Variants in RFTN1 observed in about 807,000 individuals in gnomAD.
RFTN1 encodes the protein raftlin, lipid raft linker 1, also known as raftlin.
In RFTN1, 26 loss-of-function variants were observed where a neutral mutation model predicts 46.5. The observed-to-expected ratio is 0.56, with a 90% CI of 0.41 to 0.78. The LOEUF is 0.78. RFTN1 is among the 30% of genes least tolerant of loss of function. RFTN1 has a pLI of 0.00. For synonymous variants in RFTN1, 261 were observed against 284.2 expected, an observed-to-expected ratio of 0.92 and a Z score of 0.82; for missense variants, 693 against 718.7, an observed-to-expected ratio of 0.96 and a Z score of 0.41.
chr3:16,408,905 C>T (rs181414473), intron 4 of RFTN1, among the ~76,000 whole-genome samples: 1 of 152,308 alleles, frequency 6.6e-6, no homozygotes, highest in Admixed American at 6.5e-5. Context: ...AGGCACAAAA[C>T]CTCATATGGC....
chr3:16,319,014 C>G (rs1340651089), intron 9 of RFTN1, among the ~76,000 whole-genome samples: 1 of 152,200 alleles, frequency 6.6e-6, no homozygotes, highest in Non-Finnish European at 1.5e-5. Flanking sequence ...TCAGCATGAC[C>G]GTGGCTGCCT....
Position 16,359,703 on chromosome 3 carries a change from G to A in RFTN1, c.1031-1656C>T, listed in dbSNP as rs182647122. Among the ~76,000 whole-genome samples the A allele has an allele frequency of 1.8e-3, 273 of 152,342 alleles. 2 individuals are homozygous for A. Among genetic ancestry groups the A allele is most frequent in the African/African-American group, 6.3e-3 (260 of 41,574 alleles). On this transcript the variant is annotated intron_variant, in intron 6 of 9. Transcript: ENST00000334133. Reference sequence around the variant, plus strand: ...AAGTGTCTGTTGTTTAAGCCACGCAGTGTGTGGTATTTTGTTATGACAGTC... The same window carrying A: ...AAGTGTCTGTTGTTTAAGCCACGCAATGTGTGGTATTTTGTTATGACAGTC...
At chr3:16,419,839 T>C (rs1407742711) in intron 3 of RFTN1, among the ~76,000 whole-genome samples, 2 of 152,176 alleles carry the variant, frequency 1.3e-5, no homozygotes, top group African/African-American at 2.4e-5. Flanking sequence ...TTTCTTCCGA[T>C]GTTCCCTTCC....
At chr3:16,502,861 T>A (rs2076736220) in intron 1 of RFTN1, among the ~76,000 whole-genome samples, 1 of 152,136 alleles carries the variant, frequency 6.6e-6, no homozygotes, top group Non-Finnish European at 1.5e-5. Flanking sequence ...AGATAACATG[T>A]TTGTTGTTTT....
In RFTN1 at chr3:16,316,071, CGCCA is replaced by C. The variant is rs939447125; in HGVS notation, c.*753_*756del. On this transcript the variant is annotated 3_prime_UTR_variant, in exon 10 of 10. Coordinates refer to ENST00000334133, the MANE Select transcript of RFTN1 (RefSeq NM_015150.2). This position sits in a 1 kb window ranked among gnomAD's most constrained non-coding sequence, Gnocchi z 4.5. Reference sequence around the variant, plus strand: ...TGATTAAAATAGCACATAACAAGGGCGCCAGCCAGTCCCGATGCCCTGAAGTGAC... The same window carrying C: ...TGATTAAAATAGCACATAACAAGGGCGCCAGTCCCGATGCCCTGAAGTGAC... 4 of 152,672 alleles carry C rather than the reference CGCCA, an allele frequency of 2.6e-5. No individual in the cohort carries two copies. The highest frequency in any genetic ancestry group is 9.7e-5 in the African/African-American group (4 of 41,440). The allele number at this position is 152,672 out of a possible 1,614,324, so 9.5% of individuals were successfully genotyped here. A position where few individuals can be genotyped will look rare whatever the true frequency, so the allele number is the denominator to read the frequency against.
At position 16,442,310 on chromosome 3, in the gene RFTN1, T is replaced by C. The variant is rs1423226935; in HGVS notation, c.146-8273A>G. Among the ~76,000 whole-genome samples, 2 of 152,164 alleles carry C rather than the reference T, an allele frequency of 1.3e-5. No individual in the cohort carries two copies. Among genetic ancestry groups the C allele is most frequent in the Non-Finnish European group, 2.9e-5 (2 of 68,016 alleles). ...GTTGCACAACCATCAGCTCTATCTA[T>C]AGGTTATGAAACATTTTCATCACCC... On this transcript the variant is annotated intron_variant, in intron 2 of 9. Coordinates refer to ENST00000334133, the MANE Select transcript of RFTN1 (RefSeq NM_015150.2). The surrounding 1 kb of genome is among the most constrained non-coding windows in gnomAD (Gnocchi z 4.1).
chr3:16,433,821 A>T lies in RFTN1; in HGVS notation c.332+30T>A, dbSNP rs1403788749. ...TTGAGCATAACTTAGCCGCAACAGG[A>T]TGCTACCCATTCACCCGTGGAGGCC... On this transcript the variant is annotated intron_variant, in intron 3 of 9. Transcript: ENST00000334133. The surrounding 1 kb of genome is among the most constrained non-coding windows in gnomAD (Gnocchi z 4.4). 6.2e-7 allele frequency: 1 copy of T among 1,609,884 alleles called. No individual in the cohort carries two copies. The highest frequency in any genetic ancestry group is 1.3e-5 in the African/African-American group (1 of 74,934).
chr3:16,478,187 T>G (rs2076313707), intron 2 of RFTN1, among the ~76,000 whole-genome samples: 1 of 152,198 alleles, frequency 6.6e-6, no homozygotes, highest in Admixed American at 6.5e-5. Flanking sequence ...TTTAAGTGAC[T>G]TGAGAGTGTC....
Position 16,498,292 on chromosome 3 carries a change from C to A in RFTN1, c.-8-4415G>T, listed in dbSNP as rs2076655174. Among the ~76,000 whole-genome samples the A allele has an allele frequency of 1.3e-5, 2 of 152,192 alleles. No homozygotes were observed. Among genetic ancestry groups the A allele is most frequent in the African/African-American group, 2.4e-5 (1 of 41,444 alleles). On this transcript the variant is annotated intron_variant, in intron 1 of 9. Transcript: ENST00000334133. This position sits in a 1 kb window ranked among gnomAD's most constrained non-coding sequence, Gnocchi z 5.2. ...ATAGCTGAGTCTTAGCCAATCACAG[C>A]AGCAGAATGCAGTCAATCACAGGCA...
intron 2 of RFTN1, among the ~76,000 whole-genome samples, chr3:16,464,648 C>T (rs922642184): frequency 6.6e-6 from 1 of 152,248 alleles, no homozygotes; most frequent in Non-Finnish European, 1.5e-5. Flanking sequence ...CAAACTATGG[C>T]CCACAGGCCA....
chr3:16,378,435 G>A (rs975555740), intron 4 of RFTN1, among the ~76,000 whole-genome samples: 5 of 152,210 alleles, frequency 3.3e-5, no homozygotes, highest in African/African-American at 1.2e-4. Context: ...CAAAGAGTTT[G>A]AAGGAGGAAG....
chr3:16,355,145 CCATT>C (rs1210159728), intron 7 of RFTN1, among the ~76,000 whole-genome samples: 2 of 152,218 alleles, frequency 1.3e-5, no homozygotes, highest in Non-Finnish European at 2.9e-5. Context: ...CCCTAACACT[CCATT>C]CACAGAAATC....
chr3:16,393,849 C>T (rs530419635), intron 4 of RFTN1, among the ~76,000 whole-genome samples: 2 of 151,952 alleles, frequency 1.3e-5, no homozygotes, highest in East Asian at 1.9e-4. Flanking sequence ...TTAGTATAGA[C>T]GGGGTTTCAC....
chr3:16,405,088 C>T (rs1306693465), intron 4 of RFTN1, among the ~76,000 whole-genome samples: 1 of 152,144 alleles, frequency 6.6e-6, no homozygotes, highest in Non-Finnish European at 1.5e-5. Context: ...TGAAGATGAA[C>T]ACATAGGCTG....
In RFTN1 at chr3:16,473,908, T is replaced by C. The variant is rs1361399795; in HGVS notation, c.145+19817A>G. Among the ~76,000 whole-genome samples the C allele has an allele frequency of 6.6e-6, 1 of 152,222 alleles. No homozygotes were observed. Among genetic ancestry groups the C allele is most frequent in the Non-Finnish European group, 1.5e-5 (1 of 68,032 alleles). ...CACTGACTTCTCTGACCAATGCCTG[T>C]GGTCCTGGTGACCTGGGCTGTGCCA... On this transcript the variant is annotated intron_variant, in intron 2 of 9. Transcript: ENST00000334133. The surrounding 1 kb of genome is among the most constrained non-coding windows in gnomAD (Gnocchi z 5.3).
At chr3:16,470,538 G>A (rs1033473864) in intron 2 of RFTN1, among the ~76,000 whole-genome samples, 6 of 152,292 alleles carry the variant, frequency 3.9e-5, no homozygotes, top group Non-Finnish European at 5.9e-5. Flanking sequence ...CCAGAAAGGA[G>A]AGAGCCAGAG....
At chr3:16,399,368 A>C (rs1192753125) in intron 4 of RFTN1, among the ~76,000 whole-genome samples, 3 of 152,200 alleles carry the variant, frequency 2.0e-5, no homozygotes, top group African/African-American at 7.2e-5. Flanking sequence ...ATTGTACCCC[A>C]AAAACATTTT....
intron 2 of RFTN1, among the ~76,000 whole-genome samples, chr3:16,437,120 A>G (rs996730634): frequency 2.0e-5 from 3 of 152,226 alleles, no homozygotes; most frequent in Admixed American, 6.5e-5. Flanking sequence ...CTTCACACAG[A>G]TAGCACATAT....
rs1364410411 is a variant in RFTN1 at position 16,422,683 on chromosome 3, TATC to T, written c.332+11165_332+11167del. 6.6e-6 allele frequency among the ~76,000 whole-genome samples: 1 copy of T among 151,678 alleles called. No individual in the cohort carries two copies. Among genetic ancestry groups the T allele is most frequent in the East Asian group, 1.9e-4 (1 of 5,186 alleles). On this transcript the variant is annotated intron_variant, in intron 3 of 9. Transcript: ENST00000334133. This position sits in a 1 kb window ranked among gnomAD's most constrained non-coding sequence, Gnocchi z 4.6. ...ATGTTAACATACATTACAAATTTAT[TATC>T]ATCAAAATAACATGGTTCTGGCACA...
Sources: gnomAD v4.1 joint callset for allele counts (sites outside exome capture counted in the v4.1 genomes callset) on GRCh38, gnomAD v4.1.1 for gene constraint, Gnocchi (gnomAD v3.1) non-coding constraint, MANE v1.5 for transcripts, NCBI Gene and HGNC (gene_info 2026-07-23, HGNC 2026-07-21) for gene names.